The following TRAP1 variants were observed in gnomAD, a reference collection of about 807,000 sequenced individuals.
TRAP1 encodes the protein heat shock protein 75 kDa, mitochondrial.
Under a neutral mutation model 89.1 loss-of-function variants are expected in TRAP1, and 102 were observed. The observed-to-expected ratio is 1.15, with a 90% CI of 0.98 to 1.35. The LOEUF is 1.35. Among genes scored for constraint, TRAP1 ranks in the 40% most tolerant of loss-of-function variants. TRAP1 has a pLI of 0.00. For missense variants in TRAP1, 1,256 were observed against 945.3 expected, an observed-to-expected ratio of 1.33 and a Z score of -4.31; for synonymous variants, 508 against 388.0, an observed-to-expected ratio of 1.31 and a Z score of -3.64.
intron 17 of TRAP1, 96 bp from the exon 18 acceptor site, chr16:3,658,326 G>A: frequency 3.0e-6 from 3 of 994,064 alleles, no homozygotes; most frequent in Non-Finnish European, 4.6e-6. Flanking sequence ...CGAGGCTGGA[G>A]TGCAGAGGCA....
chr16:3,666,908 ATATT>A (rs2050840193), intron 11 of TRAP1, among the ~76,000 whole-genome samples: 1 of 152,202 alleles, frequency 6.6e-6, no homozygotes, highest in Non-Finnish European at 1.5e-5. Flanking sequence ...TTTCTTCTTA[ATATT>A]TAGTCTTTCC....
At chr16:3,701,557 A>AT (rs1171152240) in intron 1 of TRAP1, among the ~76,000 whole-genome samples, 9 of 148,636 alleles carry the variant, frequency 6.1e-5, no homozygotes, top group African/African-American at 2.4e-4. Flanking sequence ...TCCCAAAAAA[A>AT]AAAAAAAAAA....
chr16:3,708,178 A>T (rs2151283348), intron 1 of TRAP1, among the ~76,000 whole-genome samples: 1 of 152,172 alleles, frequency 6.6e-6, no homozygotes, highest in African/African-American at 2.4e-5. Context: ...AGCCCGGATG[A>T]CAAAGCAAGA....
In TRAP1 at chr16:3,662,067, G is replaced by T. The variant is rs751682541; in HGVS notation, c.1860C>A (p.His620Gln). The change falls in exon 16 of 18, where the codon CAC (histidine) becomes CAA (glutamine). Residue 620 changes from histidine (H) to glutamine (Q), a missense_variant. Transcript: ENST00000246957. ...TGGCCAGCTGCTGCATGCGCAGGAAGTGGCGGGCAGCCCCCATCTCCAGCA... is the reference window on the plus strand; with the variant it reads ...TGGCCAGCTGCTGCATGCGCAGGAATTGGCGGGCAGCCCCCATCTCCAGCA... ...VTVLEMGAAR[H>Q]FLRMQQLAKT... 6.2e-7 allele frequency: 1 copy of T among 1,613,228 alleles called. No individual in the cohort carries two copies. The highest frequency in any genetic ancestry group is 1.7e-5 in the Admixed American group (1 of 59,994).
intron 1 of TRAP1, among the ~76,000 whole-genome samples, chr16:3,700,905 C>G (rs999197444): frequency 6.6e-6 from 1 of 152,058 alleles, no homozygotes; most frequent in Non-Finnish European, 1.5e-5. Context: ...GGGAAAAAAT[C>G]CAAAAGGACA....
chr16:3,662,805 G>A, intron 15 of TRAP1, 77 bp downstream of exon 15: 2 of 1,423,050 alleles, frequency 1.4e-6, no homozygotes, highest in South Asian at 1.2e-5. Context: ...AACGGGCCAG[G>A]TACTGGGAGC....
Position 3,663,446 on chromosome 16 carries a change from C to T in TRAP1, c.1686G>A (p.Glu562=). 1.2e-6 allele frequency: 2 copies of T among 1,613,552 alleles called. No homozygotes were observed. Among genetic ancestry groups the T allele is most frequent in the Non-Finnish European group, 1.7e-6 (2 of 1,179,700 alleles). Residue 562 remains glutamate (E), a synonymous_variant, in exon 14 of 18, where the codon GAG becomes GAA. Coordinates refer to ENST00000246957, the MANE Select transcript of TRAP1 (RefSeq NM_016292.3). ...TDIVVDHYKE[E]KFEDRSPAAE... ...GACCTGGGGACCTGTCCTCAAACTT[C>T]TCCTCCTTGTAGTGATCCACGACTA... is the stretch of plus-strand genomic sequence containing the variant.
intron 1 of TRAP1, among the ~76,000 whole-genome samples, chr16:3,716,455 A>G (rs866906108): frequency 6.6e-5 from 10 of 152,234 alleles, no homozygotes; most frequent in African/African-American, 2.4e-4. Context: ...TATTGCGTCC[A>G]CTAATAGGAC....
intron 13 of TRAP1, 26 bp downstream of exon 13, chr16:3,664,248 G>T: frequency 3.9e-6 from 6 of 1,533,238 alleles, no homozygotes; most frequent in East Asian, 2.3e-5. Flanking sequence ...AGCCCCCGGA[G>T]CCCGCCCCAC....
At chr16:3,664,613 G>C (rs1171509559) in intron 12 of TRAP1, 154 bp from the exon 13 acceptor site, 2 of 777,660 alleles carry the variant, frequency 2.6e-6, no homozygotes, top group East Asian at 5.7e-5. Flanking sequence ...GGTTGTCCGA[G>C]AGCAGGCCTT....
At chr16:3,679,129 A>C (rs1377025540) in intron 5 of TRAP1, among the ~76,000 whole-genome samples, 1 of 152,082 alleles carries the variant, frequency 6.6e-6, no homozygotes, top group Non-Finnish European at 1.5e-5. Context: ...GTCTCTACTA[A>C]AGATACAAAA....
chr16:3,671,855 A>G (rs2050918287), intron 10 of TRAP1, 64 bp from the exon 11 acceptor site: 2 of 1,538,728 alleles, frequency 1.3e-6, no homozygotes, highest in Non-Finnish European at 1.8e-6. Context: ...AACATTCCCC[A>G]TTAACCTGCC....
chr16:3,669,832 CAAAAAAAAAAAAAAA>C (rs59256364), intron 11 of TRAP1, among the ~76,000 whole-genome samples: 916 of 66,176 alleles, frequency 0.014, 8 homozygotes, highest in Non-Finnish European at 0.026. Flanking sequence ...GACTCCGTCT[CAAAAAAAAAAAAAAA>C]AAAAAAAAAA....
intron 1 of TRAP1, among the ~76,000 whole-genome samples, chr16:3,708,063 C>A (rs1257275372): frequency 6.6e-6 from 1 of 151,816 alleles, no homozygotes; most frequent in Non-Finnish European, 1.5e-5. Context: ...GGCACATGCT[C>A]CTTGGGAGGA....
chr16:3,661,921 A>G, intron 16 of TRAP1, 66 bp downstream of exon 16: 1 of 1,508,212 alleles, frequency 6.6e-7, no homozygotes, highest in Non-Finnish European at 8.8e-7. Context: ...TTCCACAACA[A>G]AAGAACACCA....
At chr16:3,711,157 T>C (rs1269605583) in intron 1 of TRAP1, among the ~76,000 whole-genome samples, 1 of 151,950 alleles carries the variant, frequency 6.6e-6, no homozygotes, top group Non-Finnish European at 1.5e-5. Flanking sequence ...ATTACAAGCA[T>C]GAGCTACCAG....
In TRAP1 at chr16:3,660,294, GT is replaced by G. The variant is rs886444590; in HGVS notation, c.1941-1430del. The G allele has an allele frequency of 9.2e-5, 14 of 152,214 alleles. 1 individual carries two copies. The highest frequency in any genetic ancestry group is 1.6e-4 in the Non-Finnish European group (11 of 68,070). 9.4% of individuals were successfully genotyped at this position (152,214 alleles called of 1,614,324 possible). On this transcript the variant is annotated intron_variant, in intron 16 of 17. Transcript: ENST00000246957. ...AGGAGGAAATTTTCCCCTGTAAGCA[GT>G]TTTGAATTCTGAACTATGTGGACAG...
Position 3,672,716 on chromosome 16 carries a change from C to T in TRAP1, c.1149G>A (p.Trp383Ter). The change falls in exon 10 of 18, where the codon TGG becomes TGA. Residue 383 changes from tryptophan (W) to a stop codon, truncating the protein, a stop_gained. Coordinates refer to ENST00000246957, the MANE Select transcript of TRAP1 (RefSeq NM_016292.3). LOFTEE classifies it high-confidence loss of function. ...QTKATDILPK[W>*]LRFIRGVVDS... ...GCAGCGTACCTCGGATGAAGCGCAG[C>T]CACTTGGGCAGGATGTCCGTGGCCT... The T allele has an allele frequency of 6.2e-7, 1 of 1,609,444 alleles. No homozygotes were observed. The highest frequency in any genetic ancestry group is 2.2e-5 in the East Asian group (1 of 44,670).
chr16:3,709,689 T>C (rs987350623), intron 1 of TRAP1, among the ~76,000 whole-genome samples: 3 of 152,186 alleles, frequency 2.0e-5, no homozygotes, highest in Non-Finnish European at 4.4e-5. Context: ...TTCGCTCTTG[T>C]TGCCAGGCTG....
Sources: gnomAD v4.1 joint callset for allele counts (sites outside exome capture counted in the v4.1 genomes callset) on GRCh38, gnomAD v4.1.1 for gene constraint, MANE v1.5 for transcripts, NCBI Gene and HGNC (gene_info 2026-07-23, HGNC 2026-07-21) for gene names.